Variants in STXBP2 observed in about 807,000 individuals in gnomAD.
STXBP2 encodes syntaxin-binding protein 2.
Under a neutral mutation model 72.2 loss-of-function variants are expected in STXBP2, and 47 were observed. The observed-to-expected ratio is 0.65, with a 90% CI of 0.51 to 0.83. The LOEUF (loss-of-function observed/expected upper bound fraction) is 0.83, where lower values mean the gene tolerates loss of function less well. Among genes scored for constraint, STXBP2 ranks in the 40% least tolerant of loss-of-function variants. The pLI, the probability that STXBP2 is intolerant of heterozygous loss-of-function variation, is 0.00. For synonymous variants in STXBP2, 367 were observed against 338.7 expected (o/e 1.08, Z -0.92); for missense variants, 702 against 807.6 (o/e 0.87, Z 1.58).
At chr19:7,646,439 G>A (rs762122477) in intron 16 of STXBP2, 95 bp downstream of exon 16, 45 of 1,167,504 alleles carry the variant, frequency 3.9e-5, no homozygotes, top group South Asian at 1.2e-4. Context: ...AGGGCTTAGG[G>A]GAAAATGCTC....
intron 13 of STXBP2, among the ~76,000 whole-genome samples, chr19:7,643,801 G>A (rs1470153294): frequency 6.7e-6 from 1 of 148,720 alleles, no homozygotes; most frequent in Non-Finnish European, 1.5e-5. Context: ...CTGGATGAGG[G>A]GTGGAACCTT....
At chr19:7,639,679 G>C (rs775159508) in intron 3 of STXBP2, 52 bp from the exon 4 acceptor site, 59 of 1,548,830 alleles carry the variant, frequency 3.8e-5, no homozygotes, top group Non-Finnish European at 5.2e-5. Flanking sequence ...GACTCCCCAC[G>C]TGGCCCTGCC....
In STXBP2 at chr19:7,640,863, T is replaced by G. The variant is rs1162230139; in HGVS notation, c.326-37T>G. On this transcript the variant is annotated intron_variant, in intron 5 of 18. Coordinates refer to ENST00000221283, the MANE Select transcript of STXBP2 (RefSeq NM_006949.4). Reference sequence around the variant, plus strand: ...GGGTGGGGCAAGGAGGTGTGGGGGCTGCTCTGGCCTGATGCCCCACTCCTG... The same window carrying G: ...GGGTGGGGCAAGGAGGTGTGGGGGCGGCTCTGGCCTGATGCCCCACTCCTG... 3 of 1,613,532 alleles carry G rather than the reference T, an allele frequency of 1.9e-6. No homozygotes were observed. In the African/African-American group the frequency reaches 4.0e-5, roughly 22 times the overall value.
Position 7,643,024 on chromosome 19 carries a change from G to T in STXBP2, c.1002G>T (p.Pro334=), listed in dbSNP as rs770925163. ...TATCCCAGATCCTGAAAAAGATGCCGCAGTACCAGAAGGAGCTGAATAAGG... is the reference window on the plus strand; with the variant it reads ...TATCCCAGATCCTGAAAAAGATGCCTCAGTACCAGAAGGAGCTGAATAAGG... ...KDLSQILKKM[P]QYQKELNKYS... Residue 334 remains proline, a synonymous_variant, in exon 12 of 19, where the codon CCG becomes CCT. Transcript: ENST00000221283. 1.9e-6 allele frequency: 3 copies of T among 1,614,164 alleles called. No individual in the cohort carries two copies. The highest frequency in any genetic ancestry group is 2.5e-6 in the Non-Finnish European group (3 of 1,180,032).
At chr19:7,645,487 C>T (rs2032097152) in intron 15 of STXBP2, 181 bp downstream of exon 15, 2 of 603,110 alleles carry the variant, frequency 3.3e-6, no homozygotes, top group Non-Finnish European at 3.0e-6. Context: ...TGGGGCCTCT[C>T]CCAGTCCCAG....
At position 7,647,723 on chromosome 19, in the gene STXBP2, A is replaced by G; in HGVS notation, c.1697-2A>G. The G allele has an allele frequency of 6.2e-7, 1 of 1,613,930 alleles. No homozygotes were observed. Among genetic ancestry groups the G allele is most frequent in the Non-Finnish European group, 8.5e-7 (1 of 1,179,922 alleles). On this transcript the variant is annotated splice_acceptor_variant, in intron 18 of 18. Coordinates refer to ENST00000221283, the MANE Select transcript of STXBP2 (RefSeq NM_006949.4). LOFTEE classifies it high-confidence loss of function. The stretch of plus-strand genomic sequence containing the variant: ...CTTCCCCAAACCTCTGCCCCTGCAC[A>G]GGCTCCTCACACATCCTCACCCCGA...
intron 13 of STXBP2, 123 bp downstream of exon 13, chr19:7,643,368 G>A: frequency 9.3e-7 from 1 of 1,078,450 alleles, no homozygotes; most frequent in Non-Finnish European, 1.4e-6. Context: ...AGGTGGAGGG[G>A]CCTTGGAGAG....
chr19:7,634,617 G>T (rs547233232), upstream of STXBP2, among the ~76,000 whole-genome samples: 2 of 152,226 alleles, frequency 1.3e-5, no homozygotes, highest in Non-Finnish European at 2.9e-5. Context: ...TGATCCTCCT[G>T]CCTGGGCCTC....
Position 7,642,192 on chromosome 19 carries a change from C to G in STXBP2, c.664-11C>G. On this transcript the variant is annotated splice_polypyrimidine_tract_variant and intron_variant, in intron 8 of 18. Coordinates refer to ENST00000221283, the MANE Select transcript of STXBP2 (RefSeq NM_006949.4). The surrounding 1 kb of genome is among the most constrained non-coding windows in gnomAD (Gnocchi z 6.0). The stretch of plus-strand genomic sequence containing the variant: ...GTCAGTGCCTCATTCCTGCCCTAAA[C>G]CCCACCCCAGGGCCCAGAGAAAACC... 1 of 1,614,106 alleles carries G rather than the reference C, an allele frequency of 6.2e-7. No homozygotes were observed. The highest frequency in any genetic ancestry group is 8.5e-7 in the Non-Finnish European group (1 of 1,179,990).
upstream of STXBP2, chr19:7,633,115 G>T: frequency 9.9e-7 from 1 of 1,014,382 alleles, no homozygotes; most frequent in Non-Finnish European, 1.4e-6. Flanking sequence ...CTAGATTGGG[G>T]CCTGATGAGT....
At chr19:7,631,425 G>T in the STXBP2 span, 11 of 1,484,036 alleles carry the variant, frequency 7.4e-6, no homozygotes, top group African/African-American at 1.5e-4. Flanking sequence ...CGGCTCTGAG[G>T]TGTGTGCCCC....
chr19:7,631,689 T>C, the STXBP2 span: 1 of 1,453,704 alleles, frequency 6.9e-7, no homozygotes, highest in Non-Finnish European at 9.1e-7. Context: ...CCTCAGGCCC[T>C]CAGGGGGCTT....
intron 3 of STXBP2, 89 bp downstream of exon 3, chr19:7,639,189 G>C: frequency 7.2e-7 from 1 of 1,397,532 alleles, no homozygotes; most frequent in Admixed American, 1.9e-5. Flanking sequence ...TTGAGTGTAG[G>C]ATCCCCTCAA....
intron 15 of STXBP2, chr19:7,645,938 C>T (rs1000021651): frequency 1.4e-5 from 7 of 484,864 alleles, no homozygotes; most frequent in African/African-American, 9.7e-5. Context: ...CTGTTTCCTG[C>T]TTCATCTCTT....
rs754527648 is a variant in STXBP2, at chr19:7,647,177, C to T, written c.1468C>T (p.Arg490Trp). Residue 490 changes from arginine (R) to tryptophan (W), a missense_variant, in exon 17 of 19, where the codon CGG becomes TGG. By Grantham distance (101) the Arg-to-Trp change is moderately radical. Transcript: ENST00000221283. ...KDVMEDAVEDRLDRNLWPFVS... is the reference protein window; with the variant it reads ...KDVMEDAVEDWLDRNLWPFVS... ...CGGCCGCCAGGACGCCGTGGAGGACCGGCTGGACAGGAACCTGTGGCCCTT... is the reference window on the plus strand; with the variant it reads ...CGGCCGCCAGGACGCCGTGGAGGACTGGCTGGACAGGAACCTGTGGCCCTT... The T allele has an allele frequency of 5.0e-6, 8 of 1,611,802 alleles. No homozygotes were observed. The highest frequency in any genetic ancestry group is 4.0e-5 in the African/African-American group (3 of 74,904).
At chr19:7,646,030 G>A (rs955958661) in intron 15 of STXBP2, 2 of 589,324 alleles carry the variant, frequency 3.4e-6, no homozygotes, top group Non-Finnish European at 6.1e-6. Flanking sequence ...TCTTTCTCTG[G>A]CTCGCTCTCT....
At chr19:7,637,210 C>G in intron 1 of STXBP2, 24 bp downstream of exon 1, 1 of 1,241,612 alleles carries the variant, frequency 8.1e-7, no homozygotes, top group Non-Finnish European at 1.0e-6. Context: ...CGGGGCCGGG[C>G]TCTGGCGTCC....
the STXBP2 span, chr19:7,630,007 A>T: frequency 3.1e-6 from 3 of 970,548 alleles, no homozygotes; most frequent in Non-Finnish European, 4.2e-6. Context: ...CTGGTTGGAA[A>T]TCCAGGAGAG....
intron 15 of STXBP2, among the ~76,000 whole-genome samples, chr19:7,645,776 C>T (rs2032109223): frequency 6.6e-6 from 1 of 151,564 alleles, no homozygotes; most frequent in Non-Finnish European, 1.5e-5. Flanking sequence ...CTCACCCCGT[C>T]CCCATCTCTC....
Sources: gnomAD v4.1 joint callset for allele counts (sites outside exome capture counted in the v4.1 genomes callset) on GRCh38, gnomAD v4.1.1 for gene constraint, Gnocchi (gnomAD v3.1) non-coding constraint, MANE v1.5 for transcripts, NCBI Gene and HGNC (gene_info 2026-07-23, HGNC 2026-07-21) for gene names.